The following STEAP3 variants were observed in gnomAD, a reference collection of about 807,000 sequenced individuals.
STEAP3 encodes metalloreductase STEAP3.
A neutral mutation model predicts 34.9 loss-of-function variants in STEAP3; 35 were observed. That is an observed-to-expected ratio of 1.00 (90% CI 0.76 to 1.33). The LOEUF (loss-of-function observed/expected upper bound fraction) is 1.33. Ranked by LOEUF, STEAP3 falls within the 40% of genes most tolerant of loss-of-function variation. The pLI, the probability that STEAP3 is intolerant of heterozygous loss-of-function variation, is 0.00. For missense variants in STEAP3, 652 were observed against 667.6 expected, an observed-to-expected ratio of 0.98 and a Z score of 0.26; for synonymous variants, 281 against 301.6, an observed-to-expected ratio of 0.93 and a Z score of 0.71.
chr2:119,253,323 C>G (rs7596511), intron 4 of STEAP3, among the ~76,000 whole-genome samples: 12,574 of 152,184 alleles, frequency 0.083, 1,389 homozygotes, highest in African/African-American at 0.25. Flanking sequence ...TAGAACAGAG[C>G]CAATCATTTT....
At chr2:119,259,178 G>A (rs1677871105) in intron 5 of STEAP3, among the ~76,000 whole-genome samples, 3 of 152,290 alleles carry the variant, frequency 2.0e-5, no homozygotes, top group Admixed American at 6.5e-5. Flanking sequence ...CCAGCTTCAT[G>A]AGCAATTGTC....
intron 2 of STEAP3, among the ~76,000 whole-genome samples, chr2:119,237,240 A>C (rs1677118351): frequency 6.6e-6 from 1 of 152,160 alleles, no homozygotes; most frequent in Non-Finnish European, 1.5e-5. Flanking sequence ...AGAGGAGTGG[A>C]TTCATATCCC....
At position 119,263,384 on chromosome 2, in the gene STEAP3, C is replaced by A. The variant is rs1312570278; in HGVS notation, c.*46C>A. 6.3e-7 allele frequency: 1 copy of A among 1,586,604 alleles called. No homozygotes were observed. Among genetic ancestry groups the A allele is most frequent in the Non-Finnish European group, 8.6e-7 (1 of 1,167,094 alleles). ...GACCCCGGGCACACGAGGGACGGTGCCCTGAGCCCGTTAGGTTTTCTTTTC... is the reference window on the plus strand; with the variant it reads ...GACCCCGGGCACACGAGGGACGGTGACCTGAGCCCGTTAGGTTTTCTTTTC... On this transcript the variant is annotated 3_prime_UTR_variant, in exon 6 of 6. Transcript: ENST00000393110.
intron 4 of STEAP3, among the ~76,000 whole-genome samples, chr2:119,253,059 G>A (rs1297835941): frequency 3.3e-5 from 5 of 152,210 alleles, no homozygotes. Context: ...CTGGGCAGAG[G>A]TACGGAGGAG....
rs763692481 is a variant in STEAP3 at position 119,231,038 on chromosome 2, A to G, written c.22+4A>G. 12 of 1,614,170 alleles carry G rather than the reference A, an allele frequency of 7.4e-6. No homozygotes were observed. In the East Asian group the frequency reaches 2.7e-4, roughly 36 times the overall value. ...ATGTCGCACCAGCCTGCTGTTGGTAAGTCTGGCTAGGACGCAGATCCAAGG... is the reference window on the plus strand; with the variant it reads ...ATGTCGCACCAGCCTGCTGTTGGTAGGTCTGGCTAGGACGCAGATCCAAGG... On this transcript the variant is annotated splice_donor_region_variant and intron_variant, in intron 2 of 5. Coordinates refer to ENST00000393110, the MANE Select transcript of STEAP3 (RefSeq NM_182915.3).
At position 119,229,443 on chromosome 2, in the gene STEAP3, G is replaced by C. The variant is rs541141982; in HGVS notation, c.-393-1177G>C. On this transcript the variant is annotated intron_variant, in intron 1 of 5. Transcript: ENST00000393110. ...GAGTGGCAGAGGGGCCACGTGCAGT[G>C]AGTGGCCACAGCAGAGCAAGGAAAG... 2.6e-5 allele frequency among the ~76,000 whole-genome samples: 4 copies of C among 152,336 alleles called. No individual in the cohort carries two copies. In the East Asian group the frequency reaches 7.7e-4, roughly 29 times the overall value.
intron 1 of STEAP3, among the ~76,000 whole-genome samples, chr2:119,227,871 C>G (rs2104785990): frequency 6.6e-6 from 1 of 150,574 alleles, no homozygotes. Context: ...GCTCTGTCAC[C>G]TAGGTTGGAG....
In STEAP3 at chr2:119,248,140, C is replaced by G; in HGVS notation, c.984C>G (p.Leu328=). The G allele has an allele frequency of 6.2e-7, 1 of 1,608,162 alleles. No homozygotes were observed. The highest frequency in any genetic ancestry group is 8.5e-7 in the Non-Finnish European group (1 of 1,179,482). ...TCTTCTGCGCCGCCCTGCACGCCCT[C>G]TACAGCTTCTGCTTGCCGCTGCGCC... ...LSFFCAALHA[L]YSFCLPLRRA... is the part of the protein sequence containing the mutation. Residue 328 remains leucine, a synonymous_variant, in exon 4 of 6, where the codon CTC becomes CTG. Transcript: ENST00000393110.
chr2:119,258,747 A>G (rs1573581182), intron 5 of STEAP3, among the ~76,000 whole-genome samples: 1 of 148,196 alleles, frequency 6.7e-6, no homozygotes. Context: ...AGCTGGGACT[A>G]CAGGCGCCCG....
At chr2:119,248,297 C>A in intron 4 of STEAP3, 91 bp downstream of exon 4, 1 of 1,412,750 alleles carries the variant, frequency 7.1e-7, no homozygotes, top group South Asian at 1.4e-5. Flanking sequence ...AGCCGATACC[C>A]ACGGGTGCAG....
chr2:119,251,864 AAGC>A (rs1437756902), intron 4 of STEAP3, among the ~76,000 whole-genome samples: 2 of 152,102 alleles, frequency 1.3e-5, no homozygotes, highest in Admixed American at 1.3e-4. Context: ...TACCTCTGTT[AAGC>A]TCCCCCAGAC....
intron 5 of STEAP3, among the ~76,000 whole-genome samples, chr2:119,257,273 G>A (rs916711152): frequency 3.3e-5 from 5 of 152,134 alleles, no homozygotes; most frequent in East Asian, 3.8e-4. Context: ...GTTGTCTACC[G>A]GACAGCAGAG....
At chr2:119,229,624 C>A (rs73948624) in intron 1 of STEAP3, among the ~76,000 whole-genome samples, 7,535 of 152,276 alleles carry the variant, frequency 0.049, 293 homozygotes, top group Middle Eastern at 0.11. Flanking sequence ...CAGCTAGGTC[C>A]CCCAACTAAC....
chr2:119,245,748 G>A lies in STEAP3; in HGVS notation c.282G>A (p.Pro94=), dbSNP rs144377604. The change falls in exon 3 of 6, where the codon CCG becomes CCA. Residue 94 remains proline, a synonymous_variant. Coordinates refer to ENST00000393110, the MANE Select transcript of STEAP3 (RefSeq NM_182915.3). ...VTFQEEAVSS[P]EVIFVAVFRE... is the part of the protein sequence containing the mutation. ...TCCAAGAGGAGGCAGTGAGCTCCCC[G>A]GAGGTCATCTTTGTGGCTGTGTTCC... 6.9e-4 allele frequency: 1,121 copies of A among 1,614,216 alleles called. 10 individuals carry two copies. The African/African-American group carries it at 0.013, about 19-fold the overall frequency.
intron 5 of STEAP3, among the ~76,000 whole-genome samples, chr2:119,259,140 C>T (rs192047178): frequency 2.6e-4 from 40 of 152,288 alleles, no homozygotes; most frequent in Middle Eastern, 6.8e-3. Context: ...AGCCACCTGC[C>T]TGAAATAATG....
chr2:119,224,279 G>T (rs1678967684), intron 1 of STEAP3, among the ~76,000 whole-genome samples: 1 of 152,226 alleles, frequency 6.6e-6, no homozygotes, highest in African/African-American at 2.4e-5. Context: ...AGGAGGGCTG[G>T]TAGCTGTGGG....
At chr2:119,263,036 A>C (rs768264100) in intron 5 of STEAP3, 21 bp from the exon 6 acceptor site, 50 of 1,597,010 alleles carry the variant, frequency 3.1e-5, no homozygotes, top group Non-Finnish European at 4.0e-5. Context: ...CCCTCACTCC[A>C]GCCTTTTTTT....
chr2:119,253,916 T>C (rs1677698698), intron 4 of STEAP3, among the ~76,000 whole-genome samples: 1 of 152,182 alleles, frequency 6.6e-6, no homozygotes, highest in Admixed American at 6.5e-5. Context: ...GCTTCGTAAG[T>C]GGTCACTGAA....
chr2:119,241,311 C>T (rs56261400), intron 2 of STEAP3, among the ~76,000 whole-genome samples: 9,685 of 152,246 alleles, frequency 0.064, 424 homozygotes, highest in Middle Eastern at 0.11. Context: ...GCCCCACCCA[C>T]AGCCCGTGCC....
Sources: gnomAD v4.1 joint callset for allele counts (sites outside exome capture counted in the v4.1 genomes callset) on GRCh38, gnomAD v4.1.1 for gene constraint, MANE v1.5 for transcripts, NCBI Gene and HGNC (gene_info 2026-07-23, HGNC 2026-07-21) for gene names.